CAMK1D: variants seen among roughly 807,000 people sequenced by gnomAD.
The protein encoded by CAMK1D is calcium/calmodulin-dependent protein kinase type 1D.
CAMK1D carries 9 observed loss-of-function variants against 47.7 expected under a neutral mutation model. The observed-to-expected ratio is 0.19, with a 90% CI of 0.11 to 0.33. The LOEUF is 0.33. Ranked by LOEUF, CAMK1D falls within the 10% of genes least tolerant of loss-of-function variation. The pLI, the probability that CAMK1D is intolerant of heterozygous loss-of-function variation, is 1.00. For synonymous variants in CAMK1D, 184 were observed against 184.9 expected (o/e 0.99, Z 0.04); for missense variants, 291 against 488.7 (o/e 0.60, Z 3.81).
At chr10:12,637,492 A>G (rs2399866) in intron 2 of CAMK1D, among the ~76,000 whole-genome samples, 71,308 of 151,752 alleles carry the variant, frequency 0.47, 17,246 homozygotes, top group South Asian at 0.63. Flanking sequence ...ACATCCATTC[A>G]CTTCTTTATC....
intron 3 of CAMK1D, among the ~76,000 whole-genome samples, chr10:12,683,920 A>G (rs1287056178): frequency 6.6e-6 from 1 of 152,158 alleles, no homozygotes; most frequent in South Asian, 2.1e-4. Flanking sequence ...GCAACTAGAC[A>G]TGTTATTTTT....
At chr10:12,796,902 A>T (rs1180279381) in intron 6 of CAMK1D, among the ~76,000 whole-genome samples, 4 of 152,238 alleles carry the variant, frequency 2.6e-5, no homozygotes, top group African/African-American at 9.6e-5. Flanking sequence ...AGGAGAAAAA[A>T]AAAGACTGGA....
At chr10:12,711,766 C>T (rs1377455243) in intron 3 of CAMK1D, among the ~76,000 whole-genome samples, 2 of 152,216 alleles carry the variant, frequency 1.3e-5, no homozygotes, top group Non-Finnish European at 1.5e-5. Flanking sequence ...ACTCTGTCTA[C>T]ACCCTGTTTT....
At chr10:12,554,714 AT>A (rs151223282) in intron 2 of CAMK1D, among the ~76,000 whole-genome samples, 13,630 of 149,984 alleles carry the variant, frequency 0.091, 717 homozygotes, top group South Asian at 0.15. Flanking sequence ...TTAAAAAAAA[AT>A]TTTTTTTTTA....
At chr10:12,801,341 C>CT (rs749956118) in intron 6 of CAMK1D, among the ~76,000 whole-genome samples, 41 of 95,282 alleles carry the variant, frequency 4.3e-4, no homozygotes, top group Middle Eastern at 5.4e-3. Flanking sequence ...ATCTATCTAT[C>CT]TATCTATCTA....
intron 3 of CAMK1D, among the ~76,000 whole-genome samples, chr10:12,726,596 T>C (rs1056970401): frequency 1.3e-5 from 2 of 152,150 alleles, no homozygotes; most frequent in Admixed American, 6.5e-5. Flanking sequence ...GCCATCGTTG[T>C]TATTAGTAAT....
At chr10:12,812,107 T>A (rs1832629817) in intron 6 of CAMK1D, among the ~76,000 whole-genome samples, 1 of 152,258 alleles carries the variant, frequency 6.6e-6, no homozygotes, top group African/African-American at 2.4e-5. Flanking sequence ...GCTGGCGATG[T>A]GCGTCCCACG....
chr10:12,588,667 CTGT>C (rs1837893404), intron 2 of CAMK1D, among the ~76,000 whole-genome samples: 1 of 152,066 alleles, frequency 6.6e-6, no homozygotes, highest in South Asian at 2.1e-4. Context: ...GCGGAAGACT[CTGT>C]TGTACCCGAC....
Position 12,816,306 on chromosome 10 carries a change from G to C in CAMK1D, c.811G>C (p.Glu271Gln). The change falls in exon 8 of 11, where the codon GAG becomes CAG. Residue 271 changes from glutamate to glutamine, a missense_variant. Glu to Gln is a conservative substitution (Grantham distance 29, BLOSUM62 2). Transcript: ENST00000619168. ...EKDPNKRYTC[E>Q]QAARHPWIAG... ...GGACCCGAATAAAAGATACACGTGTGAGCAGGCAGCTCGGCACCCATGGTA... is the reference window on the plus strand; with the variant it reads ...GGACCCGAATAAAAGATACACGTGTCAGCAGGCAGCTCGGCACCCATGGTA... 1 of 1,613,674 alleles carries C rather than the reference G, an allele frequency of 6.2e-7. No homozygotes were observed. The highest frequency in any genetic ancestry group is 8.5e-7 in the Non-Finnish European group (1 of 1,179,770).
rs543158540 is a variant in CAMK1D, at chr10:12,570,594, C to T, written c.224+17238C>T. On this transcript the variant is annotated intron_variant, in intron 2 of 10. Coordinates refer to ENST00000619168, the MANE Select transcript of CAMK1D (RefSeq NM_153498.4). The stretch of plus-strand genomic sequence containing the variant: ...ACTCAGGAGGCTGAGGCAGGAGAAT[C>T]GCTTGAACCCAGGAGGCAGAGGTTG... 2.5e-4 allele frequency among the ~76,000 whole-genome samples: 37 copies of T among 147,644 alleles called. No individual in the cohort carries two copies. In the South Asian group the frequency reaches 6.7e-3, roughly 27 times the overall value.
intron 1 of CAMK1D, among the ~76,000 whole-genome samples, chr10:12,488,886 G>T (rs1463052689): frequency 2.0e-5 from 3 of 152,212 alleles, no homozygotes; most frequent in Non-Finnish European, 4.4e-5. Flanking sequence ...AAATACAGAT[G>T]AGGTTTCGCT....
At chr10:12,632,023 G>T (rs1373747570) in intron 2 of CAMK1D, among the ~76,000 whole-genome samples, 3 of 152,174 alleles carry the variant, frequency 2.0e-5, no homozygotes, top group Non-Finnish European at 2.9e-5. Flanking sequence ...GCGAAGGCTG[G>T]TGTTGTCACT....
At chr10:12,572,807 T>A (rs1432010798) in intron 2 of CAMK1D, among the ~76,000 whole-genome samples, 3 of 152,116 alleles carry the variant, frequency 2.0e-5, no homozygotes, top group Admixed American at 2.0e-4. Context: ...TTTTAAAATT[T>A]TTTTGTAGAG....
At chr10:12,706,707 C>T (rs935848251) in intron 3 of CAMK1D, among the ~76,000 whole-genome samples, 13 of 151,096 alleles carry the variant, frequency 8.6e-5, no homozygotes, top group Non-Finnish European at 4.4e-5. Context: ...TGCCACTGCA[C>T]TCCAGCTTGG....
intron 1 of CAMK1D, among the ~76,000 whole-genome samples, chr10:12,427,731 G>A (rs1423516966): frequency 3.7e-4 from 5 of 13,398 alleles, no homozygotes; most frequent in South Asian, 2.0e-3. Flanking sequence ...TTTTTGAGAC[G>A]GAGTCTTGCT....
At chr10:12,505,681 G>A (rs995883438) in intron 1 of CAMK1D, among the ~76,000 whole-genome samples, 7 of 152,216 alleles carry the variant, frequency 4.6e-5, no homozygotes, top group African/African-American at 1.2e-4. Flanking sequence ...TCCAGCACTC[G>A]AATCTGTTTT....
At chr10:12,663,025 G>A (rs189204358) in intron 2 of CAMK1D, among the ~76,000 whole-genome samples, 1 of 152,244 alleles carries the variant, frequency 6.6e-6, no homozygotes, top group Non-Finnish European at 1.5e-5. Context: ...GCAATGGCAC[G>A]ATCTCAGCTC....
At position 12,694,371 on chromosome 10, in the gene CAMK1D, TAA is replaced by T. The variant is rs1397847127; in HGVS notation, c.299+27564_299+27565del. ...ACATATATATGTTATATGTTATATA[TAA>T]AATATAAAATATATATGTTATATAT... On this transcript the variant is annotated intron_variant, in intron 3 of 10. Transcript: ENST00000619168. 4.5e-3 allele frequency among the ~76,000 whole-genome samples: 324 copies of T among 72,442 alleles called. 16 individuals carry two copies. The highest frequency in any genetic ancestry group is 0.015 in the South Asian group (23 of 1,536). The allele number at this position is 72,442 out of a possible 152,430, so 47.5% of individuals were successfully genotyped here.
At chr10:12,588,805 CACACAT>C (rs1396772678) in intron 2 of CAMK1D, among the ~76,000 whole-genome samples, 58 of 144,948 alleles carry the variant, frequency 4.0e-4, no homozygotes, top group South Asian at 6.3e-4. Context: ...CACACACACA[CACACAT>C]ACACACATGC....
Sources: allele counts gnomAD v4.1 joint callset (sites outside exome capture counted in the v4.1 genomes callset), GRCh38; gene constraint gnomAD v4.1.1; transcripts MANE v1.5; gene names NCBI Gene and HGNC (gene_info 2026-07-23, HGNC 2026-07-21).